Variants in SLC25A26 observed in about 807,000 individuals in gnomAD.
SLC25A26 encodes mitochondrial S-adenosylmethionine carrier protein.
A neutral mutation model predicts 37.8 loss-of-function variants in SLC25A26; 36 were observed. The observed-to-expected ratio is 0.95, with a 90% CI of 0.73 to 1.26. The LOEUF (loss-of-function observed/expected upper bound fraction) is 1.26, where lower values mean the gene tolerates loss of function less well. Among genes scored for constraint, SLC25A26 ranks in the 50% most tolerant of loss-of-function variants. SLC25A26 has a pLI of 0.00. For synonymous variants in SLC25A26, 129 were observed against 122.5 expected (o/e 1.05, Z -0.35); for missense variants, 390 against 331.1 (o/e 1.18, Z -1.38).
At chr3:66,363,109 G>C (rs1248883744) in intron 7 of SLC25A26, among the ~76,000 whole-genome samples, 180 bp downstream of exon 7, 3 of 151,426 alleles carry the variant, frequency 2.0e-5, no homozygotes, top group Admixed American at 6.6e-5. Flanking sequence ...TGCTAAAAAG[G>C]TGTCTGCCTG....
At chr3:66,221,744 GA>G (rs888122588) in intron 1 of SLC25A26, among the ~76,000 whole-genome samples, 1 of 150,366 alleles carries the variant, frequency 6.7e-6, no homozygotes, top group African/African-American at 2.5e-5. Context: ...TGAATTAACA[GA>G]AAAAAAAGTC....
intron 5 of SLC25A26, among the ~76,000 whole-genome samples, chr3:66,318,062 G>C (rs2075588863): frequency 6.6e-6 from 1 of 152,180 alleles, no homozygotes; most frequent in African/African-American, 2.4e-5. Context: ...TGATGTGCTG[G>C]CTGGTGGGGA....
At chr3:66,352,402 C>T (rs2076473807) in intron 6 of SLC25A26, among the ~76,000 whole-genome samples, 1 of 150,754 alleles carries the variant, frequency 6.6e-6, no homozygotes, top group South Asian at 2.1e-4. Flanking sequence ...GACTGTGCTG[C>T]TGCCTAGCGC....
intron 9 of SLC25A26, 124 bp from the exon 10 acceptor site, chr3:66,377,566 C>T (rs774799809): frequency 3.4e-5 from 23 of 680,706 alleles, no homozygotes; most frequent in Non-Finnish European, 5.7e-5. Context: ...TGGGAGCGTT[C>T]ACAAGCTGTT....
chr3:66,293,479 C>T (rs979885417), intron 5 of SLC25A26, among the ~76,000 whole-genome samples: 17 of 150,018 alleles, frequency 1.1e-4, no homozygotes, highest in Admixed American at 4.7e-4. Context: ...ATTTTGCCAC[C>T]CAGGTACTAA....
chr3:66,314,297 A>G (rs1156918824), intron 5 of SLC25A26, among the ~76,000 whole-genome samples: 8 of 152,160 alleles, frequency 5.3e-5, no homozygotes, highest in Non-Finnish European at 1.0e-4. Flanking sequence ...TGATCCATCA[A>G]TACCTAGTTT....
At chr3:66,218,374 T>C (rs1230509069), upstream of SLC25A26, among the ~76,000 whole-genome samples, 1 of 152,224 alleles carries the variant, frequency 6.6e-6, no homozygotes, top group African/African-American at 2.4e-5. Flanking sequence ...TTTATAATGG[T>C]TGTACCATAT....
chr3:66,157,839 A>G (rs1162979229), intron 1 of SLC25A26, among the ~76,000 whole-genome samples: 1 of 152,208 alleles, frequency 6.6e-6, no homozygotes, highest in Non-Finnish European at 1.5e-5. Flanking sequence ...TCCAGGCTGG[A>G]GTGCAGTGGT....
chr3:66,309,287 A>T (rs1018539826), intron 5 of SLC25A26, among the ~76,000 whole-genome samples: 3 of 152,220 alleles, frequency 2.0e-5, no homozygotes, highest in East Asian at 1.9e-4. Flanking sequence ...TAGATTTTCT[A>T]GTTTATTTGC....
At chr3:66,207,549 A>G (rs1192635751) in intron 1 of SLC25A26, among the ~76,000 whole-genome samples, 2 of 152,190 alleles carry the variant, frequency 1.3e-5, no homozygotes, top group Admixed American at 6.5e-5. Context: ...ATAAATTTGG[A>G]TGAAAAAGAA....
intron 1 of SLC25A26, among the ~76,000 whole-genome samples, chr3:66,138,865 A>G (rs1314838534): frequency 6.6e-6 from 1 of 152,138 alleles, no homozygotes; most frequent in African/African-American, 2.4e-5. Flanking sequence ...ATTAATGTGA[A>G]TAGTAATGGT....
chr3:66,295,378 C>T (rs1177020681), intron 5 of SLC25A26, among the ~76,000 whole-genome samples: 1 of 151,500 alleles, frequency 6.6e-6, no homozygotes, highest in Non-Finnish European at 1.5e-5. Context: ...CGCATGCCAC[C>T]ATACCTGTCT....
intron 6 of SLC25A26, among the ~76,000 whole-genome samples, chr3:66,357,569 C>T (rs1453154303): frequency 6.6e-6 from 1 of 152,096 alleles, no homozygotes; most frequent in African/African-American, 2.4e-5. Flanking sequence ...AATACTGCTT[C>T]TTCACATTCG....
intron 5 of SLC25A26, among the ~76,000 whole-genome samples, chr3:66,275,716 T>A (rs2074118553): frequency 6.6e-6 from 1 of 152,142 alleles, no homozygotes; most frequent in Admixed American, 6.6e-5. Flanking sequence ...TGAGATTAAT[T>A]TTCTTATCAT....
At chr3:66,181,780 CTTTTTTTTT>C (rs922019884) in intron 1 of SLC25A26, among the ~76,000 whole-genome samples, 12 of 97,054 alleles carry the variant, frequency 1.2e-4, no homozygotes, top group African/African-American at 3.3e-4. Flanking sequence ...CTCCCCTTGT[CTTTTTTTTT>C]TTTTTTTTTT....
chr3:66,233,338 C>T (rs1041960912), intron 1 of SLC25A26, among the ~76,000 whole-genome samples: 8 of 152,106 alleles, frequency 5.3e-5, no homozygotes, highest in Non-Finnish European at 1.2e-4. Context: ...ATTGAGGTCT[C>T]GATACATTGT....
intron 6 of SLC25A26, among the ~76,000 whole-genome samples, chr3:66,350,807 C>G (rs141331910): frequency 1.1e-4 from 16 of 152,178 alleles, no homozygotes; most frequent in African/African-American, 1.4e-4. Flanking sequence ...ATGTTCTCCC[C>G]TTCTCTGTTC....
intron 1 of SLC25A26, among the ~76,000 whole-genome samples, chr3:66,156,645 T>C (rs2070286634): frequency 6.6e-6 from 1 of 152,184 alleles, no homozygotes; most frequent in South Asian, 2.1e-4. Context: ...AGGCAAACTA[T>C]CTATCTTGGG....
At chr3:66,327,065 C>G (rs550108239) in intron 5 of SLC25A26, among the ~76,000 whole-genome samples, 1 of 152,246 alleles carries the variant, frequency 6.6e-6, no homozygotes, top group South Asian at 2.1e-4. Context: ...CACACTACCC[C>G]CCTAAAATAG....
Sources: allele counts gnomAD v4.1 joint callset (sites outside exome capture counted in the v4.1 genomes callset), GRCh38; gene constraint gnomAD v4.1.1; transcripts MANE v1.5; gene names NCBI Gene and HGNC (gene_info 2026-07-23, HGNC 2026-07-21).